PSMD14: variants seen among roughly 807,000 people sequenced by gnomAD.
The protein encoded by PSMD14 is proteasome 26S subunit, non-ATPase 14, also known as ubiquitin C-terminal hydrolase PSMD14.
In PSMD14, 7 loss-of-function variants were observed where a neutral mutation model predicts 41.2. That is an observed-to-expected ratio of 0.17 (90% confidence interval 0.10 to 0.32). The LOEUF (loss-of-function observed/expected upper bound fraction) is 0.32, where lower values mean the gene tolerates loss of function less well. Among genes scored for constraint, PSMD14 ranks in the 10% least tolerant of loss-of-function variants. PSMD14 has a pLI of 1.00. For synonymous variants in PSMD14, 114 were observed against 122.3 expected (o/e 0.93, Z 0.45); for missense variants, 139 against 375.6 (o/e 0.37, Z 5.21).
At chr2:161,344,119 G>A (rs1683007940) in intron 3 of PSMD14, among the ~76,000 whole-genome samples, 1 of 147,638 alleles carries the variant, frequency 6.8e-6, no homozygotes, top group South Asian at 2.3e-4. Context: ...TGGTGCGGGG[G>A]GGTGGGGAGC....
At chr2:161,401,739 CTA>C (rs1485302757) in intron 10 of PSMD14, among the ~76,000 whole-genome samples, 1 of 151,868 alleles carries the variant, frequency 6.6e-6, no homozygotes, top group East Asian at 1.9e-4. Context: ...TATGAAGCAA[CTA>C]TGTTGTTTAG....
chr2:161,398,699 C>A (rs1206516642), intron 10 of PSMD14, among the ~76,000 whole-genome samples: 1 of 151,904 alleles, frequency 6.6e-6, no homozygotes, highest in Non-Finnish European at 1.5e-5. Context: ...TGACGGTTTA[C>A]TGTTCAGGTA....
chr2:161,376,055 ATAG>A (rs1205144922), intron 7 of PSMD14, among the ~76,000 whole-genome samples: 5 of 150,838 alleles, frequency 3.3e-5, no homozygotes, highest in African/African-American at 9.7e-5. Context: ...GTTTACTCAA[ATAG>A]TAGTCTTCTT....
At chr2:161,369,050 T>C (rs1433382379) in intron 5 of PSMD14, among the ~76,000 whole-genome samples, 1 of 151,968 alleles carries the variant, frequency 6.6e-6, no homozygotes, top group Non-Finnish European at 1.5e-5. Context: ...AAGGTTTAGA[T>C]TTAAATCTTA....
At chr2:161,349,716 TG>T (rs1683092321) in intron 3 of PSMD14, among the ~76,000 whole-genome samples, 1 of 152,128 alleles carries the variant, frequency 6.6e-6, no homozygotes, top group African/African-American at 2.4e-5. Flanking sequence ...GCAGAGAATA[TG>T]TAGGGCAGCT....
At chr2:161,341,071 G>T in intron 3 of PSMD14, 1 of 1,540,428 alleles carries the variant, frequency 6.5e-7, no homozygotes, top group East Asian at 2.4e-5. Flanking sequence ...GGTCCCGCAG[G>T]CTCCCCGAGC....
At chr2:161,324,587 CT>C (rs530376824) in intron 3 of PSMD14, among the ~76,000 whole-genome samples, 28 of 149,478 alleles carry the variant, frequency 1.9e-4, no homozygotes, top group Non-Finnish European at 3.9e-4. Context: ...GTGATTTTTA[CT>C]TTTTTCCCCT....
chr2:161,411,277 T>C, intron 11 of PSMD14, 25 bp from the exon 12 acceptor site: 2 of 1,518,872 alleles, frequency 1.3e-6, no homozygotes, highest in Non-Finnish European at 9.0e-7. Flanking sequence ...TTCTGTTTTC[T>C]CTTTCCTCAT....
intron 1 of PSMD14, among the ~76,000 whole-genome samples, chr2:161,311,862 G>A (rs1219269368): frequency 2.6e-5 from 4 of 151,520 alleles, no homozygotes; most frequent in African/African-American, 7.3e-5. Flanking sequence ...TGATCCAACC[G>A]CCTCGGCCTC....
intron 5 of PSMD14, among the ~76,000 whole-genome samples, chr2:161,369,184 A>C (rs1356297479): frequency 1.3e-5 from 2 of 152,022 alleles, no homozygotes; most frequent in African/African-American, 4.8e-5. Context: ...AGGCTTTAAT[A>C]TCATTACTTC....
intron 3 of PSMD14, among the ~76,000 whole-genome samples, chr2:161,340,190 C>G (rs1193426694): frequency 3.9e-5 from 6 of 152,166 alleles, no homozygotes; most frequent in Non-Finnish European, 5.9e-5. Flanking sequence ...TCCGAGATTC[C>G]TCTAGATGAA....
chr2:161,357,181 C>T (rs2105250515), intron 3 of PSMD14, among the ~76,000 whole-genome samples: 1 of 150,234 alleles, frequency 6.7e-6, no homozygotes, highest in South Asian at 2.1e-4. Context: ...AAAAAATCCA[C>T]CTCATGCCTC....
At chr2:161,376,106 C>CATATAT (rs747297170) in intron 7 of PSMD14, among the ~76,000 whole-genome samples, 1 of 146,422 alleles carries the variant, frequency 6.8e-6, no homozygotes. Flanking sequence ...TATATATATA[C>CATATAT]ATATATATAT....
chr2:161,391,936 A>G (rs1449631144), intron 9 of PSMD14, among the ~76,000 whole-genome samples: 3 of 152,222 alleles, frequency 2.0e-5, no homozygotes, highest in African/African-American at 7.2e-5. Context: ...TACTCTAAAG[A>G]AAACTAAGCT....
chr2:161,320,467 A>C (rs1559037458), intron 3 of PSMD14, among the ~76,000 whole-genome samples: 1 of 152,072 alleles, frequency 6.6e-6, no homozygotes, highest in African/African-American at 2.4e-5. Flanking sequence ...TTGTGTCCTT[A>C]GTTTGTACTC....
intron 3 of PSMD14, among the ~76,000 whole-genome samples, chr2:161,343,906 C>T (rs1683003432): frequency 6.6e-6 from 1 of 152,070 alleles, no homozygotes; most frequent in Non-Finnish European, 1.5e-5. Flanking sequence ...TCCATGGGTT[C>T]TGCATCCATG....
intron 3 of PSMD14, among the ~76,000 whole-genome samples, chr2:161,331,313 A>G (rs1390875911): frequency 1.3e-5 from 2 of 150,672 alleles, no homozygotes; most frequent in Non-Finnish European, 2.9e-5. Flanking sequence ...CTCGGGCTAG[A>G]GTGCGGTGGT....
intron 2 of PSMD14, among the ~76,000 whole-genome samples, chr2:161,316,967 C>A (rs907675723): frequency 3.3e-5 from 5 of 152,068 alleles, no homozygotes; most frequent in Non-Finnish European, 5.9e-5. Context: ...AGCTGGGAAT[C>A]AGTTTTGGCC....
intron 3 of PSMD14, among the ~76,000 whole-genome samples, chr2:161,324,789 T>C (rs1682669406): frequency 6.6e-6 from 1 of 152,170 alleles, no homozygotes; most frequent in African/African-American, 2.4e-5. Context: ...ACATGAATAT[T>C]TGTGACTTTC....
Sources: gnomAD v4.1 joint callset for allele counts (sites outside exome capture counted in the v4.1 genomes callset) on GRCh38, gnomAD v4.1.1 for gene constraint, MANE v1.5 for transcripts, NCBI Gene and HGNC (gene_info 2026-07-23, HGNC 2026-07-21) for gene names.